Variants in MACROD2 observed in about 807,000 individuals in gnomAD.
MACROD2 encodes ADP-ribose glycohydrolase MACROD2.
MACROD2 carries 36 observed loss-of-function variants against 70.4 expected under a neutral mutation model. The ratio of observed to expected loss-of-function variants is 0.51; its 90% CI spans 0.39 to 0.68. MACROD2 has a LOEUF of 0.68. Ranked by LOEUF, MACROD2 falls within the 30% of genes least tolerant of loss-of-function variation. The pLI is 0.00. For missense variants in MACROD2, 496 were observed against 538.4 expected (o/e 0.92, Z 0.78); for synonymous variants, 172 against 178.8 (o/e 0.96, Z 0.30).
chr20:15,044,919 T>A (rs1373149129), intron 5 of MACROD2, among the ~76,000 whole-genome samples: 2 of 152,218 alleles, frequency 1.3e-5, no homozygotes. Context: ...ATACAGATTT[T>A]AAGTTTTGTC....
At chr20:14,568,646 T>C (rs541623813) in intron 4 of MACROD2, among the ~76,000 whole-genome samples, 1 of 152,194 alleles carries the variant, frequency 6.6e-6, no homozygotes, top group South Asian at 2.1e-4. Flanking sequence ...AAAATTATTA[T>C]ATGGGTTTGT....
chr20:15,183,753 C>T (rs566994188), intron 5 of MACROD2, among the ~76,000 whole-genome samples: 1 of 152,246 alleles, frequency 6.6e-6, no homozygotes, highest in South Asian at 2.1e-4. Context: ...TGTGGTGTTC[C>T]CAATCACATC....
chr20:15,221,908 A>T (rs183152305), intron 5 of MACROD2, among the ~76,000 whole-genome samples: 3 of 152,348 alleles, frequency 2.0e-5, no homozygotes, highest in Admixed American at 2.0e-4. Flanking sequence ...TGCATTCTGT[A>T]TGCCTCTATC....
At chr20:15,780,624 A>G (rs2051815186) in intron 8 of MACROD2, among the ~76,000 whole-genome samples, 1 of 152,178 alleles carries the variant, frequency 6.6e-6, no homozygotes, top group South Asian at 2.1e-4. Flanking sequence ...TCACTTTGAA[A>G]GATCATTCTA....
intron 8 of MACROD2, among the ~76,000 whole-genome samples, chr20:15,719,312 T>G (rs1450342322): frequency 6.6e-6 from 1 of 152,252 alleles, no homozygotes; most frequent in African/African-American, 2.4e-5. Flanking sequence ...CTTTGCCGAC[T>G]CTAAGAAGGT....
At chr20:15,480,663 T>C (rs1220455408) in intron 7 of MACROD2, among the ~76,000 whole-genome samples, 6 of 152,128 alleles carry the variant, frequency 3.9e-5, no homozygotes, top group Non-Finnish European at 7.3e-5. Flanking sequence ...ACCAGGAGGA[T>C]GGGACATTGG....
intron 3 of MACROD2, among the ~76,000 whole-genome samples, chr20:14,271,141 G>T (rs1216852320): frequency 6.6e-6 from 1 of 152,150 alleles, no homozygotes; most frequent in Non-Finnish European, 1.5e-5. Context: ...AGAGAGCAGT[G>T]ATTCTCCCAG....
chr20:14,096,248 CTT>C (rs1342443505), intron 3 of MACROD2, among the ~76,000 whole-genome samples: 17 of 151,626 alleles, frequency 1.1e-4, no homozygotes, highest in African/African-American at 4.1e-4. Context: ...ATCGAGTACT[CTT>C]TGTTGATGCA....
At chr20:15,074,228 T>C (rs1215845149) in intron 5 of MACROD2, among the ~76,000 whole-genome samples, 1 of 152,152 alleles carries the variant, frequency 6.6e-6, no homozygotes, top group Non-Finnish European at 1.5e-5. Context: ...GGTTGAGACT[T>C]TTCAGCCCCA....
At chr20:14,623,759 G>C (rs998115088) in intron 4 of MACROD2, among the ~76,000 whole-genome samples, 2 of 152,076 alleles carry the variant, frequency 1.3e-5, no homozygotes, top group Non-Finnish European at 2.9e-5. Context: ...TTACAGAATT[G>C]GACTCTCTGA....
At chr20:15,316,174 A>G (rs2077808963) in intron 6 of MACROD2, among the ~76,000 whole-genome samples, 1 of 152,052 alleles carries the variant, frequency 6.6e-6, no homozygotes, top group East Asian at 1.9e-4. Context: ...AAAGTATAAC[A>G]TATACAGAAA....
intron 3 of MACROD2, among the ~76,000 whole-genome samples, chr20:14,165,429 G>A (rs2055253446): frequency 6.6e-6 from 1 of 152,004 alleles, no homozygotes; most frequent in South Asian, 2.1e-4. Flanking sequence ...CTTGCTTTAG[G>A]TGTTTCTGTC....
At chr20:14,283,797 G>A (rs1164548716) in intron 3 of MACROD2, among the ~76,000 whole-genome samples, 1 of 152,032 alleles carries the variant, frequency 6.6e-6, no homozygotes, top group Admixed American at 6.6e-5. Flanking sequence ...ACCATGCCCA[G>A]CCATACAAAA....
At chr20:15,327,250 T>G (rs2077940313) in intron 6 of MACROD2, among the ~76,000 whole-genome samples, 1 of 152,152 alleles carries the variant, frequency 6.6e-6, no homozygotes, top group Admixed American at 6.6e-5. Context: ...TCCTTGTGTC[T>G]TCTGAGATAA....
At chr20:15,320,227 A>G (rs1194249287) in intron 6 of MACROD2, among the ~76,000 whole-genome samples, 1 of 152,076 alleles carries the variant, frequency 6.6e-6, no homozygotes, top group Non-Finnish European at 1.5e-5. Context: ...AAAACAAAAA[A>G]CATTGTCAGG....
At chr20:15,774,483 A>C (rs2051688102) in intron 8 of MACROD2, among the ~76,000 whole-genome samples, 1 of 152,120 alleles carries the variant, frequency 6.6e-6, no homozygotes, top group Non-Finnish European at 1.5e-5. Context: ...TTACTTCTGA[A>C]CACTTTCTAG....
chr20:14,666,964 C>A (rs145010191), intron 4 of MACROD2, among the ~76,000 whole-genome samples: 1 of 151,442 alleles, frequency 6.6e-6, no homozygotes, highest in Non-Finnish European at 1.5e-5. Flanking sequence ...TGCAGAGGAA[C>A]TGAAGGCTAC....
At chr20:14,743,925 A>T (rs1417619870) in intron 5 of MACROD2, among the ~76,000 whole-genome samples, 1 of 152,166 alleles carries the variant, frequency 6.6e-6, no homozygotes, top group Non-Finnish European at 1.5e-5. Context: ...ATGGGACCAG[A>T]GACTGAACTT....
In MACROD2 at chr20:14,820,432, T is replaced by A; in HGVS notation, c.418+135473T>A. Among the ~76,000 whole-genome samples, 2 of 150,212 alleles carry A rather than the reference T, an allele frequency of 1.3e-5. 1 individual carries two copies. ...AGGAATTTTCTTATAAAAATACAGC[T>A]ACTGTGATATCTTCTGCTGAACATG... On this transcript the variant is annotated intron_variant, in intron 5 of 17. Coordinates refer to ENST00000684519, the MANE Select transcript of MACROD2 (RefSeq NM_001351661.2).
Sources: allele counts gnomAD v4.1 joint callset (sites outside exome capture counted in the v4.1 genomes callset), GRCh38; gene constraint gnomAD v4.1.1; transcripts MANE v1.5; gene names NCBI Gene and HGNC (gene_info 2026-07-23, HGNC 2026-07-21).